FHIT: variants seen among roughly 807,000 people sequenced by gnomAD.
The protein encoded by FHIT is fragile histidine triad diadenosine triphosphatase, also known as bis(5'-adenosyl)-triphosphatase.
A neutral mutation model predicts 17.9 loss-of-function variants in FHIT; 19 were observed. That is an observed-to-expected ratio of 1.06 (90% confidence interval 0.74 to 1.56). The LOEUF is 1.56. FHIT is among the 40% of genes most tolerant of loss of function. The pLI, the probability that FHIT is intolerant of heterozygous loss-of-function variation, is 0.00. For missense variants in FHIT, 248 were observed against 189.2 expected (o/e 1.31, Z -1.82); for synonymous variants, 81 against 69.7 (o/e 1.16, Z -0.81).
intron 5 of FHIT, among the ~76,000 whole-genome samples, chr3:60,347,676 G>GGT (rs1553750543): frequency 2.8e-4 from 5 of 17,586 alleles, no homozygotes; most frequent in African/African-American, 8.7e-4. Context: ...CCACTGGTTT[G>GGT]GGGGGGGGGG....
intron 8 of FHIT, among the ~76,000 whole-genome samples, chr3:59,878,971 T>C (rs1703286226): frequency 6.6e-6 from 1 of 152,018 alleles, no homozygotes; most frequent in South Asian, 2.1e-4. Flanking sequence ...TTTCTGTCTA[T>C]TTCGCATAGG....
At chr3:61,042,622 C>T (rs1037912773) in intron 2 of FHIT, among the ~76,000 whole-genome samples, 19 of 151,960 alleles carry the variant, frequency 1.3e-4, no homozygotes, top group Admixed American at 9.2e-4. Flanking sequence ...GCGGATCACT[C>T]GAGGTCAGCC....
intron 2 of FHIT, among the ~76,000 whole-genome samples, chr3:61,188,043 C>T (rs1254727164): frequency 6.6e-6 from 1 of 152,094 alleles, no homozygotes; most frequent in Non-Finnish European, 1.5e-5. Flanking sequence ...AGAGCAAACA[C>T]ATTCAAAAGC....
intron 3 of FHIT, among the ~76,000 whole-genome samples, chr3:60,870,496 G>T (rs1482816784): frequency 2.0e-5 from 3 of 152,158 alleles, no homozygotes; most frequent in Non-Finnish European, 4.4e-5. Context: ...GCAGGAGGTG[G>T]AAGGTAGCTA....
chr3:60,943,392 T>C (rs782694955), intron 3 of FHIT, among the ~76,000 whole-genome samples: 1 of 152,166 alleles, frequency 6.6e-6, no homozygotes, highest in Non-Finnish European at 1.5e-5. Flanking sequence ...GCTTTTAAAG[T>C]ATATTTTGTC....
chr3:60,751,832 GT>G, intron 4 of FHIT, among the ~76,000 whole-genome samples: 1 of 152,128 alleles, frequency 6.6e-6, no homozygotes, highest in East Asian at 1.9e-4. Flanking sequence ...CTTATTCATT[GT>G]TTTTTTATAA....
chr3:60,585,707 C>T (rs1553661495), intron 4 of FHIT, among the ~76,000 whole-genome samples: 2 of 151,996 alleles, frequency 1.3e-5, no homozygotes, highest in South Asian at 2.1e-4. Flanking sequence ...TTCCGGTCAT[C>T]TATTTTTCCT....
intron 4 of FHIT, among the ~76,000 whole-genome samples, chr3:60,757,844 G>A (rs181378007): frequency 3.9e-5 from 6 of 152,294 alleles, no homozygotes; most frequent in Admixed American, 1.3e-4. Context: ...TGGATGACAC[G>A]ACACTCGCAT....
intron 5 of FHIT, among the ~76,000 whole-genome samples, chr3:60,521,997 T>C (rs1046787172): frequency 1.3e-5 from 2 of 151,922 alleles, no homozygotes; most frequent in African/African-American, 4.8e-5. Context: ...GGAACAGGAA[T>C]TGAAAGGAGG....
intron 3 of FHIT, among the ~76,000 whole-genome samples, chr3:60,882,087 CA>C (rs1705008344): frequency 6.6e-6 from 1 of 151,902 alleles, no homozygotes; most frequent in Admixed American, 6.6e-5. Context: ...TACAAAAGAT[CA>C]TTAGAGACTA....
chr3:61,063,506 G>A (rs1391821244), intron 2 of FHIT, among the ~76,000 whole-genome samples: 2 of 152,108 alleles, frequency 1.3e-5, no homozygotes, highest in African/African-American at 4.8e-5. Flanking sequence ...TCCCAAGTAT[G>A]GGAAGGATGA....
At chr3:61,205,332 T>A (rs1392570127) in intron 1 of FHIT, among the ~76,000 whole-genome samples, 1 of 152,156 alleles carries the variant, frequency 6.6e-6, no homozygotes, top group African/African-American at 2.4e-5. Context: ...TTTTAGTATA[T>A]ACCCAGTAAT....
At chr3:60,405,896 C>T (rs979739404) in intron 5 of FHIT, among the ~76,000 whole-genome samples, 1 of 152,194 alleles carries the variant, frequency 6.6e-6, no homozygotes, top group Non-Finnish European at 1.5e-5. Context: ...GACCAATCTC[C>T]TTTCTAAGCT....
At chr3:59,813,671 A>G (rs1700485849) in intron 8 of FHIT, among the ~76,000 whole-genome samples, 1 of 152,184 alleles carries the variant, frequency 6.6e-6, no homozygotes, top group Admixed American at 6.5e-5. Context: ...TAGCAAAGAT[A>G]TTCTTATTTA....
chr3:60,770,359 T>C (rs1559708830), intron 4 of FHIT, among the ~76,000 whole-genome samples: 1 of 152,218 alleles, frequency 6.6e-6, no homozygotes, highest in African/African-American at 2.4e-5. Flanking sequence ...CAATATCCTC[T>C]GGATATTCTT....
At chr3:60,306,612 C>T (rs1708685571) in intron 5 of FHIT, among the ~76,000 whole-genome samples, 1 of 152,152 alleles carries the variant, frequency 6.6e-6, no homozygotes, top group Non-Finnish European at 1.5e-5. Flanking sequence ...ACTGTTCAAC[C>T]CTTACTTGTA....
At chr3:59,901,210 TGAA>T (rs1398021667) in intron 8 of FHIT, among the ~76,000 whole-genome samples, 1 of 152,224 alleles carries the variant, frequency 6.6e-6, no homozygotes, top group Non-Finnish European at 1.5e-5. Context: ...AGTGAAATAG[TGAA>T]GAATATGAGA....
At chr3:60,549,102 C>T (rs1285742161) in intron 4 of FHIT, among the ~76,000 whole-genome samples, 1 of 152,212 alleles carries the variant, frequency 6.6e-6, no homozygotes, top group African/African-American at 2.4e-5. Flanking sequence ...AAAAGTAATG[C>T]CTAATTTTAT....
At chr3:60,665,349 T>A (rs1311071154) in intron 4 of FHIT, among the ~76,000 whole-genome samples, 3 of 152,140 alleles carry the variant, frequency 2.0e-5, no homozygotes, top group African/African-American at 7.2e-5. Context: ...TGTATAGTAG[T>A]TCTATTTGTT....
Sources: gnomAD v4.1 joint callset for allele counts (sites outside exome capture counted in the v4.1 genomes callset) on GRCh38, gnomAD v4.1.1 for gene constraint, MANE v1.5 for transcripts, NCBI Gene and HGNC (gene_info 2026-07-23, HGNC 2026-07-21) for gene names.